The following IL17RA variants were observed in gnomAD, a reference collection of about 807,000 sequenced individuals.
IL17RA encodes interleukin 17 receptor A, also known as interleukin-17 receptor A.
A neutral mutation model predicts 50.4 loss-of-function variants in IL17RA; 34 were observed. The ratio of observed to expected loss-of-function variants is 0.67; its 90% CI spans 0.51 to 0.90. The LOEUF is 0.90. IL17RA is among the 40% of genes least tolerant of loss of function. IL17RA has a pLI of 0.00. For missense variants in IL17RA, 1,276 were observed against 1,169.8 expected (o/e 1.09, Z -1.32); for synonymous variants, 585 against 510.4 (o/e 1.15, Z -1.97).
rs1601354370 is a variant in IL17RA at position 17,113,947 on chromosome 22, C to T, written c.*4127C>T. The T allele has an allele frequency of 6.6e-6, 1 of 152,108 alleles. No individual in the cohort carries two copies. Among genetic ancestry groups the T allele is most frequent in the Non-Finnish European group, 1.5e-5 (1 of 68,022 alleles). The allele number at this position is 152,108 out of a possible 1,614,324, so 9.4% of individuals were successfully genotyped here. On this transcript the variant is annotated 3_prime_UTR_variant, in exon 13 of 13. Coordinates refer to ENST00000319363, the MANE Select transcript of IL17RA (RefSeq NM_014339.7). Reference sequence around the variant, plus strand: ...CTTCTGGGGCAGAGCAGTTTGTGCCCCCTGAGGTACCACTGATCCTCTTTC... The same window carrying T: ...CTTCTGGGGCAGAGCAGTTTGTGCCTCCTGAGGTACCACTGATCCTCTTTC...
At chr22:17,102,791 C>G (rs183693434) in intron 7 of IL17RA, among the ~76,000 whole-genome samples, 2 of 151,690 alleles carry the variant, frequency 1.3e-5, no homozygotes, top group East Asian at 3.9e-4. Context: ...GGGGACAGAG[C>G]GAGACCCTGT....
Position 17,113,198 on chromosome 22 carries a change from GTT to G in IL17RA, c.*3383_*3384del, listed in dbSNP as rs886057229. The G allele has an allele frequency of 2.6e-5, 4 of 152,118 alleles. No homozygotes were observed. The East Asian group carries it at 7.7e-4, about 29-fold the overall frequency. 9.4% of individuals were successfully genotyped at this position (152,118 alleles called of 1,614,324 possible). A position where few individuals can be genotyped will look rare whatever the true frequency, so the allele number is the denominator to read the frequency against. On this transcript the variant is annotated 3_prime_UTR_variant, in exon 13 of 13. Transcript: ENST00000319363. ...TCTTTCTTGCTTTTGTTGTGTTTTG[GTT>G]TTTTGTTTGTTTTTAAGTCAGGGTC... is the stretch of plus-strand genomic sequence containing the variant.
rs1167138690 is a variant in IL17RA, at chr22:17,108,478, T to C, written c.1259T>C (p.Ile420Thr). ...VALDLLEEQA[I>T]SEAGVMTWVG... ...CTGGACCTGCTGGAAGAGCAGGCCA[T>C]CTCGGAGGCAGGAGTCATGACCTGG... The change falls in exon 13 of 13, where the codon ATC (isoleucine) becomes ACC (threonine). Residue 420 changes from isoleucine (I) to threonine (T), a missense_variant. By Grantham distance (89) the Ile-to-Thr change is moderately conservative (BLOSUM62 -1). Transcript: ENST00000319363. 1 of 1,613,502 alleles carries C rather than the reference T, an allele frequency of 6.2e-7. No homozygotes were observed. Among genetic ancestry groups the C allele is most frequent in the Non-Finnish European group, 8.5e-7 (1 of 1,180,026 alleles).
intron 1 of IL17RA, among the ~76,000 whole-genome samples, chr22:17,096,361 G>A (rs1288022682): frequency 2.6e-5 from 4 of 152,100 alleles, no homozygotes; most frequent in African/African-American, 9.7e-5. Context: ...TTTACCTAGC[G>A]ACTTTGTAGG....
chr22:17,108,257 TGCCCTGG>T (rs1334052340), intron 12 of IL17RA, 43 bp from the exon 13 acceptor site: 3 of 1,590,136 alleles, frequency 1.9e-6, no homozygotes, highest in South Asian at 1.1e-5. Flanking sequence ...GGCACAGAGC[TGCCCTGG>T]GCCCTGGGGT....
Position 17,110,204 on chromosome 22 carries a change from A to C in IL17RA, c.*384A>C. 1 of 319,570 alleles carries C rather than the reference A, an allele frequency of 3.1e-6. No individual in the cohort carries two copies. Among genetic ancestry groups the C allele is most frequent in the East Asian group, 9.2e-5 (1 of 10,838 alleles). 19.8% of individuals were successfully genotyped at this position (319,570 alleles called of 1,614,324 possible). On this transcript the variant is annotated 3_prime_UTR_variant, in exon 13 of 13. Coordinates refer to ENST00000319363, the MANE Select transcript of IL17RA (RefSeq NM_014339.7). ...ACCGCTAGTGCCGAGGACACGTTAA[A>C]CGAACAGGATGGGCCGGGCACGGTG...
intron 9 of IL17RA, among the ~76,000 whole-genome samples, chr22:17,105,211 A>G (rs1308958879): frequency 6.6e-6 from 1 of 152,138 alleles, no homozygotes; most frequent in Admixed American, 6.5e-5. Flanking sequence ...CCCAAACCCC[A>G]GGTTCCTGGA....
chr22:17,103,715 G>A, intron 8 of IL17RA, 138 bp downstream of exon 8: 2 of 740,134 alleles, frequency 2.7e-6, no homozygotes, highest in East Asian at 2.7e-5. Flanking sequence ...AGAGTGGTGT[G>A]GACGGGAGTG....
chr22:17,108,588 G>C lies in IL17RA; in HGVS notation c.1369G>C (p.Ala457Pro). 6.2e-7 allele frequency: 1 copy of C among 1,605,286 alleles called. No individual in the cohort carries two copies. The highest frequency in any genetic ancestry group is 8.5e-7 in the Non-Finnish European group (1 of 1,179,670). Reference protein sequence around the residue: ...CSRGTRAKWQALLGRGAPVRL... With the variant: ...CSRGTRAKWQPLLGRGAPVRL... ...CCGCGGCACGCGCGCCAAGTGGCAGGCGCTCCTGGGCCGGGGGGCGCCTGT... is the reference window on the plus strand; with the variant it reads ...CCGCGGCACGCGCGCCAAGTGGCAGCCGCTCCTGGGCCGGGGGGCGCCTGT... The change falls in exon 13 of 13, where the codon GCG becomes CCG. Residue 457 changes from alanine (A) to proline (P), a missense_variant. Ala to Pro is a conservative substitution (Grantham distance 27). Coordinates refer to ENST00000319363, the MANE Select transcript of IL17RA (RefSeq NM_014339.7).
Position 17,085,162 on chromosome 22 carries a change from G to A in IL17RA, c.71G>A (p.Gly24Asp). Reference sequence around the variant, plus strand: ...CTGGGGCTGCTCCTGCTGCTCCTGGGCGTGCTGGCCCCGGGTGGCGCCTCC... The same window carrying A: ...CTGGGGCTGCTCCTGCTGCTCCTGGACGTGCTGGCCCCGGGTGGCGCCTCC... ...PLLGLLLLLL[G>D]VLAPGGASLR... The change falls in exon 1 of 13, where the codon GGC becomes GAC. Residue 24 changes from glycine to aspartate, a missense_variant. Physicochemically the swap from Gly to Asp is moderately conservative, Grantham distance 94 (BLOSUM62 -1). Coordinates refer to ENST00000319363, the MANE Select transcript of IL17RA (RefSeq NM_014339.7). 6.6e-7 allele frequency: 1 copy of A among 1,521,858 alleles called. No homozygotes were observed. 94.3% of individuals were successfully genotyped at this position (1,521,858 alleles called of 1,614,324 possible). A position where few individuals can be genotyped will look rare whatever the true frequency, so the allele number is the denominator to read the frequency against.
rs907545136 is a variant in IL17RA, at chr22:17,098,962, C to T, written c.423+75C>T. 22 of 1,253,528 alleles carry T rather than the reference C, an allele frequency of 1.8e-5. No individual in the cohort carries two copies. In the African/African-American group the frequency reaches 2.7e-4, roughly 15 times the overall value. The allele number at this position is 1,253,528 out of a possible 1,614,324, so 77.7% of individuals were successfully genotyped here. On this transcript the variant is annotated intron_variant, in intron 4 of 12. Coordinates refer to ENST00000319363, the MANE Select transcript of IL17RA (RefSeq NM_014339.7). ...CAGACTTCTTGTCCCCAAATTCAGACCCTGATTTAGAGTGGGGGAGACCCA... is the reference window on the plus strand; with the variant it reads ...CAGACTTCTTGTCCCCAAATTCAGATCCTGATTTAGAGTGGGGGAGACCCA...
Position 17,108,724 on chromosome 22 carries a change from G to C in IL17RA, c.1505G>C (p.Cys502Ser), listed in dbSNP as rs371872088. 2.0e-5 allele frequency: 32 copies of C among 1,611,324 alleles called. No homozygotes were observed. The highest frequency in any genetic ancestry group is 2.7e-5 in the Non-Finnish European group (32 of 1,179,830). Reference protein sequence around the residue: ...RPACFGTYVVCYFSEVSCDGD... With the variant: ...RPACFGTYVVSYFSEVSCDGD... Reference sequence around the variant, plus strand: ...GCCTGCTTCGGCACCTACGTAGTCTGCTACTTCAGCGAGGTCAGCTGTGAC... The same window carrying C: ...GCCTGCTTCGGCACCTACGTAGTCTCCTACTTCAGCGAGGTCAGCTGTGAC... The change falls in exon 13 of 13, where the codon TGC (cysteine) becomes TCC (serine). Residue 502 changes from cysteine (C) to serine (S), a missense_variant. Transcript: ENST00000319363.
rs1449075096 is a variant in IL17RA, at chr22:17,108,836, G to A, written c.1617G>A (p.Leu539=). Residue 539 remains leucine, a synonymous_variant, in exon 13 of 13, where the codon CTG becomes CTA. Coordinates refer to ENST00000319363, the MANE Select transcript of IL17RA (RefSeq NM_014339.7). The part of the protein sequence containing the change: ...FEEVYFRIQD[L]EMFQPGRMHR... The stretch of plus-strand genomic sequence containing the variant: ...AGGTGTACTTCCGCATCCAGGACCT[G>A]GAGATGTTCCAGCCGGGCCGCATGC... The A allele has an allele frequency of 1.9e-6, 3 of 1,607,800 alleles. No individual in the cohort carries two copies. The highest frequency in any genetic ancestry group is 2.7e-5 in the African/African-American group (2 of 74,854).
At chr22:17,095,972 CTGTT>C (rs1010276298) in intron 1 of IL17RA, among the ~76,000 whole-genome samples, 1 of 152,194 alleles carries the variant, frequency 6.6e-6, no homozygotes, top group African/African-American at 2.4e-5. Context: ...CCCTACCTCT[CTGTT>C]CCCTCTCAAG....
At chr22:17,089,287 G>A (rs1018484621) in intron 1 of IL17RA, among the ~76,000 whole-genome samples, 4 of 152,152 alleles carry the variant, frequency 2.6e-5, no homozygotes, top group Admixed American at 6.5e-5. Flanking sequence ...GCAAAACTTC[G>A]TCATGCAAAT....
rs1286561036 is a variant in IL17RA at position 17,097,515 on chromosome 22, C to T, written c.164-282C>T. ...AGCAGCTCTTACTACAACTGCATCC[C>T]TCCTGTGCCCTTATTCCCAATCACA... On this transcript the variant is annotated intron_variant, in intron 2 of 12. Transcript: ENST00000319363. 5 of 557,794 alleles carry T rather than the reference C, an allele frequency of 9.0e-6. No individual in the cohort carries two copies. In the African/African-American group the frequency reaches 9.4e-5, roughly 11 times the overall value. The allele number at this position is 557,794 out of a possible 1,614,324, so 34.6% of individuals were successfully genotyped here. A position where few individuals can be genotyped will look rare whatever the true frequency, so the allele number is the denominator to read the frequency against.
intron 9 of IL17RA, among the ~76,000 whole-genome samples, chr22:17,105,282 T>C (rs2061409488): frequency 6.6e-6 from 1 of 152,180 alleles, no homozygotes. Flanking sequence ...GCAGGGACGC[T>C]GTTTTCAAAA....
chr22:17,109,639 G>C lies in IL17RA; in HGVS notation c.2420G>C (p.Gly807Ala). The C allele has an allele frequency of 6.2e-7, 1 of 1,608,650 alleles. No homozygotes were observed. The highest frequency in any genetic ancestry group is 8.5e-7 in the Non-Finnish European group (1 of 1,178,044). The change falls in exon 13 of 13, where the codon GGA becomes GCA. Residue 807 changes from glycine (G) to alanine (A), a missense_variant. Transcript: ENST00000319363. ...ISRSSPQPPE[G>A]LTEMEEEEEE... ...AGGAGCTCCCCGCAGCCCCCCGAGG[G>C]ACTCACGGAAATGGAGGAAGAGGAG...
intron 1 of IL17RA, among the ~76,000 whole-genome samples, chr22:17,094,986 G>A (rs1360534448): frequency 6.6e-6 from 1 of 151,610 alleles, no homozygotes; most frequent in Non-Finnish European, 1.5e-5. Flanking sequence ...TGACCATTCA[G>A]TACCACAGAA....
Sources: gnomAD v4.1 joint callset for allele counts (sites outside exome capture counted in the v4.1 genomes callset) on GRCh38, gnomAD v4.1.1 for gene constraint, MANE v1.5 for transcripts, NCBI Gene and HGNC (gene_info 2026-07-23, HGNC 2026-07-21) for gene names.